Variants in USP34 observed in about 807,000 individuals in gnomAD.
USP34 encodes the protein ubiquitin specific peptidase 34.
A neutral mutation model predicts 460.3 loss-of-function variants in USP34; 70 were observed. The observed-to-expected ratio is 0.15, with a 90% confidence interval of 0.13 to 0.19. USP34 has a LOEUF of 0.19. USP34 is among the 10% of genes least tolerant of loss of function. USP34 has a pLI of 1.00. For missense variants in USP34, 3,985 were observed against 4,236.2 expected, an observed-to-expected ratio of 0.94 and a Z score of 1.65; for synonymous variants, 1,647 against 1,405.3, an observed-to-expected ratio of 1.17 and a Z score of -3.85.
chr2:61,287,114 A>T (rs1689713136), intron 34 of USP34, among the ~76,000 whole-genome samples: 1 of 152,234 alleles, frequency 6.6e-6, no homozygotes, highest in Non-Finnish European at 1.5e-5. Flanking sequence ...GTTTTATTAG[A>T]TGTAAATGAT....
intron 44 of USP34, among the ~76,000 whole-genome samples, chr2:61,259,282 A>AT (rs761674795): frequency 7.9e-4 from 120 of 152,208 alleles, no homozygotes; most frequent in Middle Eastern, 3.4e-3. Flanking sequence ...AAATAAATAA[A>AT]AAAGTAAGAA....
chr2:61,326,343 G>T (rs557652582), intron 20 of USP34, among the ~76,000 whole-genome samples: 1 of 152,066 alleles, frequency 6.6e-6, no homozygotes, highest in Non-Finnish European at 1.5e-5. Flanking sequence ...GAGTAGCTGG[G>T]ATTACAAGCT....
intron 1 of USP34, among the ~76,000 whole-genome samples, chr2:61,444,327 T>C (rs1260248225): frequency 1.3e-5 from 2 of 152,102 alleles, no homozygotes; most frequent in Non-Finnish European, 2.9e-5. Context: ...AATTGATAGA[T>C]GGCTTTAATA....
intron 27 of USP34, among the ~76,000 whole-genome samples, chr2:61,303,431 C>T (rs927332351): frequency 6.6e-6 from 1 of 152,074 alleles, no homozygotes; most frequent in Non-Finnish European, 1.5e-5. Flanking sequence ...CATCATGTTG[C>T]TCACAAATTA....
At chr2:61,313,715 C>A (rs1216977815) in intron 25 of USP34, among the ~76,000 whole-genome samples, 1 of 152,018 alleles carries the variant, frequency 6.6e-6, no homozygotes, top group African/African-American at 2.4e-5. Context: ...ATTCTTTAAG[C>A]AGAATTTCCA....
chr2:61,292,915 GAA>G (rs138725036), intron 33 of USP34, among the ~76,000 whole-genome samples: 1 of 150,308 alleles, frequency 6.7e-6, no homozygotes, highest in African/African-American at 2.4e-5. Flanking sequence ...CAAGTTCACA[GAA>G]AAAAAAATTC....
rs770675371 is a variant in USP34 at position 61,416,821 on chromosome 2, T to TTGGGGG, written c.131+3924_131+3925insCCCCCA. The TTGGGGG allele has an allele frequency of 1.1e-4, 25 of 219,564 alleles. 1 individual carries two copies. The highest frequency in any genetic ancestry group is 1.1e-3 in the Middle Eastern group (1 of 932). The allele number at this position is 219,564 out of a possible 1,614,324, so 13.6% of individuals were successfully genotyped here. ...TTAACCTCCCTAATCTTTTTTTTTT[T>TTGGGGG]GGGGGGGGGGACAGGAAGTAGAATG... On this transcript the variant is annotated intron_variant, in intron 2 of 79. Transcript: ENST00000398571.
chr2:61,458,631 A>C lies in USP34; in HGVS notation c.43+12019T>G, dbSNP rs568561145. The stretch of plus-strand genomic sequence containing the variant: ...GAAAGAAGGCAAAAAGGAAAAAAAA[A>C]AAAAAAAAGGCAAAGAGAACAAGGG... On this transcript the variant is annotated intron_variant, in intron 1 of 79. Transcript: ENST00000398571. 1.8e-3 allele frequency among the ~76,000 whole-genome samples: 268 copies of C among 151,910 alleles called. 5 individuals are homozygous for C. The East Asian group carries it at 0.045, about 26-fold the overall frequency.
Position 61,189,002 on chromosome 2 carries a change from G to A in USP34, c.9941C>T (p.Pro3314Leu). The change falls in exon 79 of 80, where the codon CCA (proline) becomes CTA (leucine). Residue 3314 changes from proline to leucine, a missense_variant. Pro to Leu is a moderately conservative substitution (Grantham distance 98). Transcript: ENST00000398571. ...TPKQLNPALI[P>L]TLQELLSKCR... The stretch of plus-strand genomic sequence containing the variant: ...TTTGCTTAAAAGCTCTTGCAGAGTT[G>A]GAATTAGAGCTGGGTTTAACTGTTT... 1 of 1,614,156 alleles carries A rather than the reference G, an allele frequency of 6.2e-7. No individual in the cohort carries two copies. Among genetic ancestry groups the A allele is most frequent in the Non-Finnish European group, 8.5e-7 (1 of 1,180,044 alleles).
Position 61,365,714 on chromosome 2 carries a change from C to T in USP34, c.1251+4607G>A, listed in dbSNP as rs548742283. Among the ~76,000 whole-genome samples, 44 of 151,932 alleles carry T rather than the reference C, an allele frequency of 2.9e-4. No individual in the cohort carries two copies. In the South Asian group the frequency reaches 3.3e-3, roughly 11 times the overall value. Reference sequence around the variant, plus strand: ...TAATACTAAACAACTGTGGGAATTACGGTTATAGTATATAATCTAAATGTT... The same window carrying T: ...TAATACTAAACAACTGTGGGAATTATGGTTATAGTATATAATCTAAATGTT... On this transcript the variant is annotated intron_variant, in intron 10 of 79. Transcript: ENST00000398571.
At chr2:61,288,899 C>T (rs1446857308) in intron 33 of USP34, 22 bp from the exon 34 acceptor site, 7 of 1,606,572 alleles carry the variant, frequency 4.4e-6, no homozygotes, top group Admixed American at 1.7e-5. Context: ...AAGAAATAGT[C>T]AATTCCCTAT....
At chr2:61,244,726 C>T (rs527541422) in intron 51 of USP34, among the ~76,000 whole-genome samples, 1 of 152,110 alleles carries the variant, frequency 6.6e-6, no homozygotes, top group South Asian at 2.1e-4. Flanking sequence ...ATAAAAAGCA[C>T]TGAAAGAACA....
At chr2:61,340,003 G>A (rs1490297953) in intron 16 of USP34, among the ~76,000 whole-genome samples, 1 of 152,020 alleles carries the variant, frequency 6.6e-6, no homozygotes, top group Non-Finnish European at 1.5e-5. Context: ...GAAGAATAGT[G>A]CCATTTAGAT....
intron 75 of USP34, chr2:61,200,916 A>C (rs1024938003): frequency 2.0e-5 from 3 of 152,206 alleles, no homozygotes; most frequent in Non-Finnish European, 4.4e-5. Context: ...TTTAGGAAAC[A>C]ATAGGAAAGT....
chr2:61,445,152 G>A (rs553264887), intron 1 of USP34, among the ~76,000 whole-genome samples: 4 of 133,932 alleles, frequency 3.0e-5, no homozygotes, highest in African/African-American at 1.1e-4. Context: ...TTTGTCAACA[G>A]CAGAACCACA....
At chr2:61,205,300 T>C (rs764964608) in intron 72 of USP34, among the ~76,000 whole-genome samples, 5 of 152,174 alleles carry the variant, frequency 3.3e-5, no homozygotes, top group Non-Finnish European at 7.3e-5. Flanking sequence ...TGATTCTCAA[T>C]CTCCAATCAC....
intron 1 of USP34, among the ~76,000 whole-genome samples, chr2:61,453,358 G>A (rs1007460297): frequency 1.3e-5 from 2 of 151,940 alleles, no homozygotes; most frequent in African/African-American, 4.8e-5. Context: ...CGTTTGCAGT[G>A]AGCCATGGTC....
chr2:61,295,570 A>G (rs1689999398), intron 30 of USP34, among the ~76,000 whole-genome samples: 5 of 152,218 alleles, frequency 3.3e-5, no homozygotes, highest in Admixed American at 2.6e-4. Flanking sequence ...AGAAGAAACA[A>G]CATTGTGATC....
At chr2:61,389,425 G>T (rs961139495) in intron 5 of USP34, among the ~76,000 whole-genome samples, 1 of 151,868 alleles carries the variant, frequency 6.6e-6, no homozygotes, top group Non-Finnish European at 1.5e-5. Flanking sequence ...TTTTATTTTA[G>T]AATACACAGA....
Sources: gnomAD v4.1 joint callset for allele counts (sites outside exome capture counted in the v4.1 genomes callset) on GRCh38, gnomAD v4.1.1 for gene constraint, MANE v1.5 for transcripts, NCBI Gene and HGNC (gene_info 2026-07-23, HGNC 2026-07-21) for gene names.